Variants in SFMBT2 observed in about 807,000 individuals in gnomAD.
SFMBT2 encodes Scm like with four mbt domains 2.
In SFMBT2, 38 loss-of-function variants were observed where a neutral mutation model predicts 110.1. That is an observed-to-expected ratio of 0.35 (90% CI 0.27 to 0.45). The LOEUF (loss-of-function observed/expected upper bound fraction) is 0.45. Ranked by LOEUF, SFMBT2 falls within the 20% of genes least tolerant of loss-of-function variation. SFMBT2 has a pLI of 1.00. For missense variants in SFMBT2, 1,011 were observed against 1,094.9 expected (o/e 0.92, Z 1.08); for synonymous variants, 425 against 425.4 (o/e 1.00, Z 0.01).
intron 11 of SFMBT2, among the ~76,000 whole-genome samples, chr10:7,212,014 G>A (rs1839368382): frequency 6.6e-6 from 1 of 152,190 alleles, no homozygotes; most frequent in Admixed American, 6.5e-5. Flanking sequence ...CTACTGGAGT[G>A]CTTTACAAAC....
chr10:7,205,847 G>C lies in SFMBT2; in HGVS notation c.1412C>G (p.Ser471Cys). The change falls in exon 12 of 21, where the codon TCT becomes TGT. Residue 471 changes from serine (S) to cysteine (C), a missense_variant. By Grantham distance (112) the Ser-to-Cys change is moderately radical. Coordinates refer to ENST00000397167, the MANE Select transcript of SFMBT2 (RefSeq NM_001387889.1). ...TTTGTGTGGTGCAGTCAAAGGATAA[G>C]AATTGGCTTCACACCAGCCCACTGG... ...IFPVGWCEAN[S>C]YPLTAPHKTV... 1 of 1,614,076 alleles carries C rather than the reference G, an allele frequency of 6.2e-7. No homozygotes were observed.
At chr10:7,263,400 C>T (rs921879067) in intron 7 of SFMBT2, among the ~76,000 whole-genome samples, 2 of 152,112 alleles carry the variant, frequency 1.3e-5, no homozygotes, top group African/African-American at 4.8e-5. Context: ...GCCACTAATG[C>T]CCAGGAAATT....
At chr10:7,234,213 A>AAAC (rs1554790990) in intron 9 of SFMBT2, among the ~76,000 whole-genome samples, 36,572 of 151,988 alleles carry the variant, frequency 0.24, 4,708 homozygotes, top group South Asian at 0.38. Flanking sequence ...GTGCAGGAAA[A>AAAC]AAACAAACAA....
At chr10:7,297,648 A>C (rs1842440177) in intron 4 of SFMBT2, among the ~76,000 whole-genome samples, 1 of 152,214 alleles carries the variant, frequency 6.6e-6, no homozygotes, top group Admixed American at 6.5e-5. Flanking sequence ...AATTTAAAAA[A>C]CTAGTTGGAG....
intron 4 of SFMBT2, among the ~76,000 whole-genome samples, chr10:7,362,963 C>T (rs1023876535): frequency 1.3e-5 from 2 of 152,284 alleles, no homozygotes; most frequent in African/African-American, 4.8e-5. Context: ...GCACCCAAAC[C>T]CTCCTTCCTT....
intron 4 of SFMBT2, among the ~76,000 whole-genome samples, chr10:7,308,504 G>C (rs1223366802): frequency 3.3e-5 from 5 of 152,112 alleles, no homozygotes; most frequent in Non-Finnish European, 7.3e-5. Flanking sequence ...ATATAAGGAA[G>C]GGTTGAAAAT....
chr10:7,363,155 G>A (rs1844777574), intron 4 of SFMBT2, among the ~76,000 whole-genome samples: 1 of 152,126 alleles, frequency 6.6e-6, no homozygotes. Context: ...CAGAATCATG[G>A]GGCGGGTTTT....
intron 7 of SFMBT2, among the ~76,000 whole-genome samples, chr10:7,265,698 T>G (rs1841364355): frequency 6.6e-6 from 1 of 152,216 alleles, no homozygotes; most frequent in South Asian, 2.1e-4. Context: ...GCTAGTCATC[T>G]CTATTATTCA....
At chr10:7,229,154 T>C (rs888788057) in intron 9 of SFMBT2, among the ~76,000 whole-genome samples, 4 of 152,206 alleles carry the variant, frequency 2.6e-5, no homozygotes, top group African/African-American at 7.2e-5. Flanking sequence ...AGATTTCTTA[T>C]GTTTTTTTAT....
intron 4 of SFMBT2, among the ~76,000 whole-genome samples, chr10:7,327,167 CCT>C (rs2131949536): frequency 6.7e-6 from 1 of 150,138 alleles, no homozygotes; most frequent in East Asian, 2.0e-4. Flanking sequence ...TCTCCCTATT[CCT>C]CTCTCGTATC....
At chr10:7,339,409 T>C (rs1843822103) in intron 4 of SFMBT2, among the ~76,000 whole-genome samples, 1 of 152,242 alleles carries the variant, frequency 6.6e-6, no homozygotes, top group South Asian at 2.1e-4. Context: ...TAAATGGATA[T>C]GTTCTTAACA....
At chr10:7,397,086 G>A (rs1333423273) in intron 1 of SFMBT2, among the ~76,000 whole-genome samples, 1 of 152,170 alleles carries the variant, frequency 6.6e-6, no homozygotes, top group African/African-American at 2.4e-5. Context: ...CTATCATTGT[G>A]CAATTGGAAT....
At chr10:7,230,791 G>A (rs1051624932) in intron 9 of SFMBT2, among the ~76,000 whole-genome samples, 10 of 152,034 alleles carry the variant, frequency 6.6e-5, no homozygotes, top group African/African-American at 2.2e-4. Context: ...AAATTAGGCG[G>A]GAGTGGTGGT....
chr10:7,306,556 G>A (rs1001148312), intron 4 of SFMBT2, among the ~76,000 whole-genome samples: 5 of 152,092 alleles, frequency 3.3e-5, no homozygotes, highest in Admixed American at 6.5e-5. Context: ...GCTAACCCCC[G>A]CTGTAGAGTT....
At chr10:7,278,356 C>A (rs1001750450) in intron 6 of SFMBT2, among the ~76,000 whole-genome samples, 2 of 152,122 alleles carry the variant, frequency 1.3e-5, no homozygotes, top group Admixed American at 6.5e-5. Context: ...TCACAGAGCC[C>A]CCTGCAAGCT....
chr10:7,281,780 T>C (rs1841954340), intron 6 of SFMBT2, among the ~76,000 whole-genome samples: 1 of 152,212 alleles, frequency 6.6e-6, no homozygotes, highest in Admixed American at 6.5e-5. Context: ...GTACATAACC[T>C]TTCCTGTTGA....
chr10:7,273,781 A>G (rs1485828594), intron 7 of SFMBT2, among the ~76,000 whole-genome samples: 1 of 152,166 alleles, frequency 6.6e-6, no homozygotes, highest in Non-Finnish European at 1.5e-5. Context: ...CCATGTCCCA[A>G]TGTGCTGGAG....
intron 13 of SFMBT2, 114 bp downstream of exon 13, chr10:7,202,366 T>C: frequency 7.7e-7 from 1 of 1,298,018 alleles, no homozygotes; most frequent in Non-Finnish European, 1.1e-6. Context: ...CTACCTCTAC[T>C]AGGGTGCTAT....
chr10:7,349,309 C>A (rs1007865212), intron 4 of SFMBT2, among the ~76,000 whole-genome samples: 1 of 152,210 alleles, frequency 6.6e-6, no homozygotes, highest in Admixed American at 6.5e-5. Flanking sequence ...GGAATTTCAT[C>A]CCAACACAGT....
Sources: gnomAD v4.1 joint callset for allele counts (sites outside exome capture counted in the v4.1 genomes callset) on GRCh38, gnomAD v4.1.1 for gene constraint, MANE v1.5 for transcripts, NCBI Gene and HGNC (gene_info 2026-07-23, HGNC 2026-07-21) for gene names.